Variants in MED13L observed in about 807,000 individuals in gnomAD.
The protein encoded by MED13L is mediator complex subunit 13L.
MED13L carries 7 observed loss-of-function variants against 220.9 expected under a neutral mutation model. The ratio of observed to expected loss-of-function variants is 0.03; its 90% confidence interval spans 0.02 to 0.06. The LOEUF (loss-of-function observed/expected upper bound fraction) is 0.06. MED13L is among the 10% of genes least tolerant of loss of function. The pLI is 1.00. For missense variants in MED13L, 1,965 were observed against 2,760.5 expected (o/e 0.71, Z 6.46); for synonymous variants, 1,011 against 1,015.2 (o/e 1.00, Z 0.08).
chr12:116,123,747 C>T (rs1172920007), intron 2 of MED13L, among the ~76,000 whole-genome samples: 1 of 152,076 alleles, frequency 6.6e-6, no homozygotes, highest in Non-Finnish European at 1.5e-5. Flanking sequence ...CTCCCCACCC[C>T]CAGCCATGCA....
chr12:115,984,501 G>T, intron 19 of MED13L, 129 bp from the exon 20 acceptor site: 1 of 970,232 alleles, frequency 1.0e-6, no homozygotes, highest in Non-Finnish European at 1.5e-6. Context: ...GTTATCACAT[G>T]CAATCAAACC....
rs1309820061 is a variant in MED13L at position 115,975,531 on chromosome 12, T to C, written c.5572A>G (p.Ile1858Val). The C allele has an allele frequency of 1.2e-6, 2 of 1,614,018 alleles. No individual in the cohort carries two copies. Among genetic ancestry groups the C allele is most frequent in the Non-Finnish European group, 1.7e-6 (2 of 1,179,920 alleles). ...TCTTCTCACCTGTTTGGTAAAGCAA[T>C]ATTTACAACGCAGGTCTCTAATAAT... ...GELLETCVVN[I>V]ALPNRSRRSK... The change falls in exon 24 of 31, where the codon ATT becomes GTT. Residue 1858 changes from isoleucine to valine, a missense_variant. Ile to Val is a conservative substitution (Grantham distance 29, BLOSUM62 3). Transcript: ENST00000281928.
intron 16 of MED13L, among the ~76,000 whole-genome samples, chr12:115,996,127 G>T (rs1200040642): frequency 6.6e-6 from 1 of 151,684 alleles, no homozygotes; most frequent in Admixed American, 6.6e-5. Context: ...GTCTCACTCT[G>T]TCGCCCAGGC....
chr12:116,065,546 T>C (rs1322941156), intron 4 of MED13L, among the ~76,000 whole-genome samples: 1 of 152,208 alleles, frequency 6.6e-6, no homozygotes, highest in East Asian at 1.9e-4. Context: ...ATGTAGACCA[T>C]TTAATATTCC....
At chr12:116,128,377 T>G (rs377559007) in intron 2 of MED13L, among the ~76,000 whole-genome samples, 2 of 152,032 alleles carry the variant, frequency 1.3e-5, no homozygotes, top group East Asian at 1.9e-4. Context: ...CTACTGACAA[T>G]TGAAGGCTCT....
intron 2 of MED13L, among the ~76,000 whole-genome samples, chr12:116,132,377 G>A (rs1876149718): frequency 6.6e-6 from 1 of 151,434 alleles, no homozygotes; most frequent in South Asian, 2.1e-4. Context: ...TCAAATTACT[G>A]GGCAGAGGAT....
chr12:116,020,069 CT>C (rs1462083549), intron 5 of MED13L, 97 bp from the exon 6 acceptor site: 59 of 1,058,608 alleles, frequency 5.6e-5, no homozygotes, highest in Non-Finnish European at 8.3e-5. Flanking sequence ...TACAGTATCA[CT>C]TAATGTGCAT....
chr12:116,007,612 C>A lies in MED13L; in HGVS notation c.2037G>T (p.Arg679=), dbSNP rs1300490062. Residue 679 remains arginine (R), a synonymous_variant, in exon 11 of 31, where the codon CGG becomes CGT. Transcript: ENST00000281928. ...GCTGTTTGTCTTGCCAGATTTTAAA[C>A]CGTTTGTTAGGTTGTGCTAAGAGTC... ...LQRLLAQPNK[R]FKIWQDKQPQ... 3.8e-6 allele frequency: 6 copies of A among 1,573,660 alleles called. No individual in the cohort carries two copies. The highest frequency in any genetic ancestry group is 2.3e-5 in the East Asian group (1 of 43,258).
At chr12:116,078,068 C>T (rs910384706) in intron 4 of MED13L, among the ~76,000 whole-genome samples, 3 of 148,354 alleles carry the variant, frequency 2.0e-5, no homozygotes, top group Admixed American at 6.8e-5. Flanking sequence ...TGCTTGAACC[C>T]GGGAGTCAGA....
chr12:116,101,132 G>C (rs1384874083), intron 3 of MED13L, among the ~76,000 whole-genome samples: 1 of 151,990 alleles, frequency 6.6e-6, no homozygotes, highest in African/African-American at 2.4e-5. Context: ...CCTCTAATTT[G>C]AATTCTATTC....
At chr12:116,200,287 A>T (rs1478595161) in intron 2 of MED13L, among the ~76,000 whole-genome samples, 4 of 152,130 alleles carry the variant, frequency 2.6e-5, no homozygotes, top group South Asian at 4.1e-4. Context: ...GTCATTCAAC[A>T]TTTCCAAAGA....
chr12:116,195,768 TTC>T (rs1487453816), intron 2 of MED13L, among the ~76,000 whole-genome samples: 2 of 152,050 alleles, frequency 1.3e-5, no homozygotes, highest in East Asian at 3.9e-4. Context: ...AGAGTAAAAT[TTC>T]TTTTATAAAG....
chr12:116,116,449 G>A (rs534548251), intron 2 of MED13L, among the ~76,000 whole-genome samples: 2 of 152,078 alleles, frequency 1.3e-5, no homozygotes, highest in Non-Finnish European at 2.9e-5. Flanking sequence ...GGAAGCTCCT[G>A]CCCCTCTCTA....
intron 2 of MED13L, among the ~76,000 whole-genome samples, chr12:116,114,772 G>C (rs1266678291): frequency 6.6e-6 from 1 of 151,820 alleles, no homozygotes; most frequent in East Asian, 1.9e-4. Flanking sequence ...CTGAATACAA[G>C]GTCAACAGAC....
Position 116,019,262 on chromosome 12 carries a change from G to C in MED13L, c.971C>G (p.Pro324Arg). The C allele has an allele frequency of 6.2e-7, 1 of 1,613,958 alleles. No homozygotes were observed. Among genetic ancestry groups the C allele is most frequent in the Non-Finnish European group, 8.5e-7 (1 of 1,179,958 alleles). ...SVKDPSNCGM[P>R]LTPPTSPEQA... is the part of the protein sequence containing the mutation. ...TTCTGGAGAGGTGGGAGGGGTCAGA[G>C]GCATCCCACAGTTACTTGGGTCCTT... The change falls in exon 7 of 31, where the codon CCT becomes CGT. Residue 324 changes from proline (P) to arginine (R), a missense_variant. Pro to Arg is a moderately radical substitution (Grantham distance 103). Coordinates refer to ENST00000281928, the MANE Select transcript of MED13L (RefSeq NM_015335.5).
intron 14 of MED13L, among the ~76,000 whole-genome samples, chr12:116,001,615 C>A (rs968661113): frequency 1.3e-5 from 2 of 152,190 alleles, no homozygotes; most frequent in Admixed American, 6.5e-5. Context: ...CACTCCCCCA[C>A]CCCATCCCAC....
intron 2 of MED13L, among the ~76,000 whole-genome samples, chr12:116,149,746 A>G (rs1877884091): frequency 6.6e-6 from 1 of 152,206 alleles, no homozygotes; most frequent in South Asian, 2.1e-4. Context: ...CATGAATAAA[A>G]ACACAGAAAA....
chr12:116,218,925 A>T (rs985832552), intron 2 of MED13L, among the ~76,000 whole-genome samples: 1 of 152,096 alleles, frequency 6.6e-6, no homozygotes, highest in African/African-American at 2.4e-5. Flanking sequence ...TTGTAGAGAC[A>T]GGATTTCACC....
At chr12:116,228,517 C>T (rs1458041561) in intron 2 of MED13L, among the ~76,000 whole-genome samples, 1 of 152,132 alleles carries the variant, frequency 6.6e-6, no homozygotes. Flanking sequence ...CAGGGTCCCA[C>T]TGCAGAAGAG....
Sources: allele counts gnomAD v4.1 joint callset (sites outside exome capture counted in the v4.1 genomes callset), GRCh38; gene constraint gnomAD v4.1.1; transcripts MANE v1.5; gene names NCBI Gene and HGNC (gene_info 2026-07-23, HGNC 2026-07-21).